Variants in CCDC171 observed in about 807,000 individuals in gnomAD.
The protein encoded by CCDC171 is coiled-coil domain-containing protein 171.
Under a neutral mutation model 168.2 loss-of-function variants are expected in CCDC171, and 177 were observed. The observed-to-expected ratio is 1.05, with a 90% CI of 0.93 to 1.19. The LOEUF (loss-of-function observed/expected upper bound fraction) is 1.19. Among genes scored for constraint, CCDC171 ranks in the 50% most tolerant of loss-of-function variants. The probability of loss-of-function intolerance (pLI) is 0.00; values close to 1 mark genes in which losing one functional copy is unlikely to be tolerated. For synonymous variants in CCDC171, 687 were observed against 540.8 expected (o/e 1.27, Z -3.75); for missense variants, 1,991 against 1,539.0 (o/e 1.29, Z -4.91).
intron 18 of CCDC171, chr9:15,776,355 C>T (rs2135370431): frequency 6.6e-6 from 1 of 152,130 alleles, no homozygotes; most frequent in East Asian, 1.9e-4. Flanking sequence ...TATACTTTGT[C>T]TTTTTTCCAT....
At chr9:15,887,401 A>G (rs1819574815) in intron 24 of CCDC171, among the ~76,000 whole-genome samples, 1 of 152,146 alleles carries the variant, frequency 6.6e-6, no homozygotes, top group Non-Finnish European at 1.5e-5. Context: ...TTTCCCACCA[A>G]AAGTCTCATA....
chr9:15,641,224 T>TA (rs1196098688), intron 7 of CCDC171, among the ~76,000 whole-genome samples: 2 of 152,176 alleles, frequency 1.3e-5, no homozygotes, highest in Non-Finnish European at 2.9e-5. Context: ...TTTGTGCAAC[T>TA]AATGAGGAAA....
At chr9:15,588,635 A>T (rs2041754211) in intron 4 of CCDC171, 1 of 276,658 alleles carries the variant, frequency 3.6e-6, no homozygotes, top group African/African-American at 2.3e-5. Context: ...ATTTTTGATA[A>T]CTGTGCACTT....
intron 3 of CCDC171, among the ~76,000 whole-genome samples, chr9:15,992,963 G>A (rs1421722068): frequency 1.3e-5 from 2 of 152,224 alleles, no homozygotes; most frequent in East Asian, 3.9e-4. Flanking sequence ...ACAAATGGAA[G>A]AACATTCCAT....
intron 7 of CCDC171, among the ~76,000 whole-genome samples, chr9:15,639,983 G>A (rs368309064): frequency 1.2e-4 from 19 of 152,134 alleles, no homozygotes; most frequent in Admixed American, 3.3e-4. Context: ...GTCAGGACTC[G>A]TTTTGGCCTT....
At position 15,744,395 on chromosome 9, in the gene CCDC171, G is replaced by A. The variant is rs1170482767; in HGVS notation, c.2172G>A (p.Gln724=). The A allele has an allele frequency of 9.3e-6, 15 of 1,614,188 alleles. No individual in the cohort carries two copies. The highest frequency in any genetic ancestry group is 1.3e-5 in the Non-Finnish European group (15 of 1,180,024). ...TGTTATCACAGACTCAAAGGGAACAGATGTCCTTGCTGGCAGCCTGTGCAT... is the reference window on the plus strand; with the variant it reads ...TGTTATCACAGACTCAAAGGGAACAAATGTCCTTGCTGGCAGCCTGTGCAT... The part of the protein sequence containing the change: ...KKLLSQTQRE[Q]MSLLAACALM... The change falls in exon 17 of 26, where the codon CAG becomes CAA. Residue 724 remains glutamine, a synonymous_variant. Coordinates refer to ENST00000380701, the MANE Select transcript of CCDC171 (RefSeq NM_173550.4).
intron 7 of CCDC171, among the ~76,000 whole-genome samples, chr9:15,649,664 G>A (rs1252331862): frequency 6.6e-6 from 1 of 152,076 alleles, no homozygotes; most frequent in Non-Finnish European, 1.5e-5. Flanking sequence ...ATCATCACTG[G>A]CCATCAGAGA....
intron 21 of CCDC171, among the ~76,000 whole-genome samples, chr9:15,804,502 G>A (rs1269307182): frequency 6.0e-5 from 9 of 149,594 alleles, no homozygotes; most frequent in African/African-American, 2.0e-4. Context: ...TATGGTTTTT[G>A]TTTTGGGTTC....
chr9:15,646,117 T>G (rs1308697526), intron 7 of CCDC171, among the ~76,000 whole-genome samples: 1 of 152,202 alleles, frequency 6.6e-6, no homozygotes, highest in Admixed American at 6.5e-5. Context: ...AAAAGAATTT[T>G]CAACCCAGAA....
At chr9:15,748,678 T>C (rs1381033673) in intron 18 of CCDC171, among the ~76,000 whole-genome samples, 1 of 152,136 alleles carries the variant, frequency 6.6e-6, no homozygotes. Context: ...TCAACATTCT[T>C]AAAGAAAAGA....
At chr9:15,914,699 A>G (rs1201569494) in intron 24 of CCDC171, among the ~76,000 whole-genome samples, 10 of 152,056 alleles carry the variant, frequency 6.6e-5, no homozygotes, top group Admixed American at 6.6e-4. Context: ...GGGTATGAAA[A>G]AAAAACTCCT....
chr9:15,677,853 A>ATG lies in CCDC171; in HGVS notation c.1077-903_1077-902dup, dbSNP rs1261267143. Reference sequence around the variant, plus strand: ...CACAAATGGCTGTGTGTGTGTGTGTATGTATATATATATGTGTGTGTGTGT... The same window carrying ATG: ...CACAAATGGCTGTGTGTGTGTGTGTATGTGTATATATATATGTGTGTGTGTGT... On this transcript the variant is annotated intron_variant, in intron 9 of 25. Coordinates refer to ENST00000380701, the MANE Select transcript of CCDC171 (RefSeq NM_173550.4). Among the ~76,000 whole-genome samples, 13 of 66,992 alleles carry ATG rather than the reference A, an allele frequency of 1.9e-4. 1 individual carries two copies. The East Asian group carries it at 7.7e-3, about 40-fold the overall frequency. The allele number at this position is 66,992 out of a possible 152,430, so 43.9% of individuals were successfully genotyped here. A position where few individuals can be genotyped will look rare whatever the true frequency, so the allele number is the denominator to read the frequency against.
chr9:16,028,693 GA>G (rs1833317839), intron 6 of CCDC171, among the ~76,000 whole-genome samples: 1 of 152,150 alleles, frequency 6.6e-6, no homozygotes, highest in African/African-American at 2.4e-5. Flanking sequence ...ACTGCAGGGA[GA>G]ATAATTCACT....
chr9:15,852,013 G>T (rs2130826992), intron 23 of CCDC171, among the ~76,000 whole-genome samples: 1 of 151,826 alleles, frequency 6.6e-6, no homozygotes, highest in Admixed American at 6.6e-5. Flanking sequence ...CCACTTCTTG[G>T]TTATTATGAA....
intron 25 of CCDC171, among the ~76,000 whole-genome samples, chr9:15,930,837 A>G (rs889733313): frequency 6.6e-6 from 1 of 151,738 alleles, no homozygotes; most frequent in Non-Finnish European, 1.5e-5. Flanking sequence ...TTGAACTGAC[A>G]CATTATAATT....
chr9:15,674,200 G>A (rs180900853), intron 9 of CCDC171, among the ~76,000 whole-genome samples: 1 of 152,060 alleles, frequency 6.6e-6, no homozygotes, highest in African/African-American at 2.4e-5. Flanking sequence ...GGGATCGGTG[G>A]TGAGATCCCC....
At position 15,910,746 on chromosome 9, in the gene CCDC171, C is replaced by A. The variant is rs201337245; in HGVS notation, c.3601-9524C>A. Among the ~76,000 whole-genome samples the A allele has an allele frequency of 4.0e-4, 61 of 151,644 alleles. 1 individual carries two copies. Among genetic ancestry groups the A allele is most frequent in the Admixed American group, 1.3e-4 (2 of 15,202 alleles). On this transcript the variant is annotated intron_variant, in intron 24 of 25. Transcript: ENST00000380701. ...GGTGTGTGATGTTCCCCTCCCTGTG[C>A]CCATATGTTCTCATTATTCAACTCC...
chr9:15,615,982 G>C (rs763403023), intron 6 of CCDC171, among the ~76,000 whole-genome samples: 3 of 151,516 alleles, frequency 2.0e-5, no homozygotes, highest in Non-Finnish European at 2.9e-5. Context: ...ATGGAGTCTC[G>C]CTCTGTCGCC....
intron 7 of CCDC171, among the ~76,000 whole-genome samples, chr9:15,632,673 T>C (rs2045826416): frequency 6.6e-6 from 1 of 152,098 alleles, no homozygotes; most frequent in South Asian, 2.1e-4. Flanking sequence ...AAAAACTACT[T>C]TAAAGTTCAT....
Sources: allele counts gnomAD v4.1 joint callset (sites outside exome capture counted in the v4.1 genomes callset), GRCh38; gene constraint gnomAD v4.1.1; transcripts MANE v1.5; gene names NCBI Gene and HGNC (gene_info 2026-07-23, HGNC 2026-07-21).